Variants in AGBL1 observed in about 807,000 individuals in gnomAD.
AGBL1 encodes cytosolic carboxypeptidase 4.
In AGBL1, 130 loss-of-function variants were observed where a neutral mutation model predicts 118.9. That is an observed-to-expected ratio of 1.09 (90% confidence interval 0.95 to 1.26). The LOEUF (loss-of-function observed/expected upper bound fraction) is 1.26, where lower values mean the gene tolerates loss of function less well. Among genes scored for constraint, AGBL1 ranks in the 50% most tolerant of loss-of-function variants. The pLI, the probability that AGBL1 is intolerant of heterozygous loss-of-function variation, is 0.00. For missense variants in AGBL1, 1,584 were observed against 1,298.1 expected (o/e 1.22, Z -3.38); for synonymous variants, 555 against 478.9 (o/e 1.16, Z -2.08).
At chr15:86,961,315 A>G (rs1348255436) in intron 23 of AGBL1, among the ~76,000 whole-genome samples, 2 of 152,044 alleles carry the variant, frequency 1.3e-5, no homozygotes, top group African/African-American at 4.8e-5. Flanking sequence ...TTAGAAAAGA[A>G]AAAAAAAGCC....
At chr15:86,360,547 C>A (rs988510501) in intron 17 of AGBL1, among the ~76,000 whole-genome samples, 3 of 151,778 alleles carry the variant, frequency 2.0e-5, no homozygotes, top group African/African-American at 7.3e-5. Flanking sequence ...GTGATGCTAG[C>A]CTCATAAAAT....
chr15:86,100,846 A>AT (rs1250718597), intron 1 of AGBL1, among the ~76,000 whole-genome samples: 1 of 151,766 alleles, frequency 6.6e-6, no homozygotes, highest in Non-Finnish European at 1.5e-5. Flanking sequence ...CCTTAGTATT[A>AT]TTTTTTAGTC....
intron 22 of AGBL1, among the ~76,000 whole-genome samples, chr15:86,852,877 T>C (rs768785023): frequency 6.6e-6 from 1 of 152,196 alleles, no homozygotes; most frequent in South Asian, 2.1e-4. Flanking sequence ...TGGGGAACTT[T>C]TAAAGTGCAC....
intron 3 of AGBL1, among the ~76,000 whole-genome samples, chr15:86,147,641 A>G (rs2077050718): frequency 6.6e-6 from 1 of 152,210 alleles, no homozygotes; most frequent in African/African-American, 2.4e-5. Flanking sequence ...TAGCTCTTCA[A>G]GGCCTACTGC....
chr15:86,893,518 T>C (rs897391412), intron 22 of AGBL1, among the ~76,000 whole-genome samples: 3 of 152,168 alleles, frequency 2.0e-5, no homozygotes, highest in African/African-American at 7.2e-5. Context: ...AAGATCGTCA[T>C]ATCTCAATAA....
At chr15:86,198,439 G>C (rs2077850230) in intron 5 of AGBL1, among the ~76,000 whole-genome samples, 1 of 152,182 alleles carries the variant, frequency 6.6e-6, no homozygotes, top group South Asian at 2.1e-4. Context: ...TTGGGATGGA[G>C]TGGATGTACT....
At position 86,827,938 on chromosome 15, in the gene AGBL1, C is replaced by CTTTTTTTTTTTT. The variant is rs71144074; in HGVS notation, c.3159-79140_3159-79129dup. ...ATAGTCTCTGGCACTTGATGTAGGG[C>CTTTTTTTTTTTT]TTTTTTTTTTTTTTTTTTTTGAGAC... On this transcript the variant is annotated intron_variant, in intron 22 of 22. Transcript: ENST00000614907. 6.4e-3 allele frequency among the ~76,000 whole-genome samples: 107 copies of CTTTTTTTTTTTT among 16,750 alleles called. 23 individuals are homozygous for CTTTTTTTTTTTT. Among genetic ancestry groups the CTTTTTTTTTTTT allele is most frequent in the African/African-American group, 0.017 (88 of 5,122 alleles). The allele number at this position is 16,750 out of a possible 152,430, so 11.0% of individuals were successfully genotyped here.
intron 18 of AGBL1, among the ~76,000 whole-genome samples, chr15:86,462,997 C>G (rs1028500909): frequency 6.6e-6 from 1 of 152,126 alleles, no homozygotes; most frequent in Non-Finnish European, 1.5e-5. Context: ...AGTTCTAGAT[C>G]CTTGAGGAAT....
intron 18 of AGBL1, among the ~76,000 whole-genome samples, chr15:86,445,213 C>G (rs1179816642): frequency 6.6e-6 from 1 of 152,178 alleles, no homozygotes; most frequent in African/African-American, 2.4e-5. Context: ...AGCCCACTGG[C>G]AAGCTGACAG....
At chr15:86,524,703 G>C (rs1356003409) in intron 19 of AGBL1, among the ~76,000 whole-genome samples, 1 of 152,138 alleles carries the variant, frequency 6.6e-6, no homozygotes, top group Non-Finnish European at 1.5e-5. Flanking sequence ...CAAGTCCCAA[G>C]GTAAAGAAAG....
chr15:86,116,099 A>C (rs995966634), intron 1 of AGBL1, among the ~76,000 whole-genome samples: 35 of 152,218 alleles, frequency 2.3e-4, no homozygotes, highest in Admixed American at 1.9e-3. Context: ...GAATTTATTG[A>C]GTGCCATTGT....
At chr15:86,842,878 G>T (rs1377008088) in intron 22 of AGBL1, among the ~76,000 whole-genome samples, 3 of 152,042 alleles carry the variant, frequency 2.0e-5, no homozygotes, top group Non-Finnish European at 4.4e-5. Context: ...CTTCCTAATT[G>T]TCTTTAGCGG....
intron 1 of AGBL1, among the ~76,000 whole-genome samples, chr15:86,132,036 A>G (rs908899747): frequency 3.9e-5 from 6 of 152,134 alleles, no homozygotes; most frequent in Non-Finnish European, 7.3e-5. Context: ...ATTGTACAGA[A>G]CATCTCTGAA....
At chr15:86,831,126 A>G (rs189996376) in intron 22 of AGBL1, among the ~76,000 whole-genome samples, 3 of 152,202 alleles carry the variant, frequency 2.0e-5, no homozygotes, top group Admixed American at 2.0e-4. Context: ...TACCATGAGA[A>G]CAGCATGGGA....
At chr15:87,006,396 T>C (rs1408517908) in intron 24 of AGBL1, among the ~76,000 whole-genome samples, 4 of 152,278 alleles carry the variant, frequency 2.6e-5, no homozygotes, top group South Asian at 2.1e-4. Context: ...CAATGGTGGG[T>C]GCCCCTCCCC....
At chr15:86,596,341 A>G (rs947098585) in intron 21 of AGBL1, among the ~76,000 whole-genome samples, 3 of 152,100 alleles carry the variant, frequency 2.0e-5, no homozygotes, top group African/African-American at 7.2e-5. Flanking sequence ...CCTTAAGATG[A>G]TATATGAACT....
At chr15:86,481,277 A>C (rs779687550) in intron 18 of AGBL1, among the ~76,000 whole-genome samples, 1 of 81,086 alleles carries the variant, frequency 1.2e-5, no homozygotes, top group South Asian at 3.1e-4. Context: ...ATTTAGGTAG[A>C]TATTTTAAAC....
chr15:86,804,654 A>C (rs933362494), intron 22 of AGBL1, among the ~76,000 whole-genome samples: 2 of 152,132 alleles, frequency 1.3e-5, no homozygotes, highest in Non-Finnish European at 2.9e-5. Flanking sequence ...ACACCTCAAA[A>C]ACCTGGGTCA....
chr15:86,164,630 G>C (rs1316048392), intron 5 of AGBL1, among the ~76,000 whole-genome samples: 1 of 152,136 alleles, frequency 6.6e-6, no homozygotes, highest in Non-Finnish European at 1.5e-5. Context: ...GATTCTCACA[G>C]TGTAATATTG....
Sources: allele counts gnomAD v4.1 joint callset (sites outside exome capture counted in the v4.1 genomes callset), GRCh38; gene constraint gnomAD v4.1.1; transcripts MANE v1.5; gene names NCBI Gene and HGNC (gene_info 2026-07-23, HGNC 2026-07-21).